GRID2: variants seen among roughly 807,000 people sequenced by gnomAD.
GRID2 encodes the protein glutamate receptor ionotropic, delta-2.
GRID2 carries 33 observed loss-of-function variants against 114.8 expected under a neutral mutation model. That is an observed-to-expected ratio of 0.29 (90% CI 0.22 to 0.38). The LOEUF (loss-of-function observed/expected upper bound fraction) is 0.38, where lower values mean the gene tolerates loss of function less well. Ranked by LOEUF, GRID2 falls within the 10% of genes least tolerant of loss-of-function variation. The probability of loss-of-function intolerance (pLI) is 1.00; values close to 1 mark genes in which losing one functional copy is unlikely to be tolerated. For synonymous variants in GRID2, 505 were observed against 449.9 expected (o/e 1.12, Z -1.55); for missense variants, 1,184 against 1,257.7 (o/e 0.94, Z 0.89).
At chr4:93,095,520 C>G (rs1731139380) in intron 3 of GRID2, among the ~76,000 whole-genome samples, 1 of 152,008 alleles carries the variant, frequency 6.6e-6, no homozygotes, top group African/African-American at 2.4e-5. Flanking sequence ...GCAAATATGT[C>G]TTTATTTCTC....
chr4:92,946,030 A>G (rs1751600757), intron 2 of GRID2, among the ~76,000 whole-genome samples: 2 of 152,120 alleles, frequency 1.3e-5, no homozygotes, highest in African/African-American at 2.4e-5. Context: ...TTTAATTTTA[A>G]TAGCTTATAG....
intron 13 of GRID2, among the ~76,000 whole-genome samples, chr4:93,537,085 C>G (rs1477389167): frequency 6.6e-6 from 1 of 151,458 alleles, no homozygotes; most frequent in Non-Finnish European, 1.5e-5. Flanking sequence ...TTGGTTGTAT[C>G]TCTGGCCATG....
chr4:92,927,348 A>G (rs548322309), intron 2 of GRID2, among the ~76,000 whole-genome samples: 49 of 151,956 alleles, frequency 3.2e-4, no homozygotes, highest in Non-Finnish European at 6.0e-4. Flanking sequence ...AGTTCTATGG[A>G]TGCTGGCAGA....
At chr4:92,368,285 G>C (rs914661917) in intron 1 of GRID2, among the ~76,000 whole-genome samples, 1 of 152,082 alleles carries the variant, frequency 6.6e-6, no homozygotes, top group Non-Finnish European at 1.5e-5. Context: ...TCAGGACCTA[G>C]AGTTGTCCTT....
At chr4:93,436,584 C>T (rs901749070) in intron 10 of GRID2, among the ~76,000 whole-genome samples, 6 of 152,032 alleles carry the variant, frequency 3.9e-5, no homozygotes, top group Admixed American at 2.6e-4. Flanking sequence ...AAAAGATATC[C>T]TTCAGGGGCT....
At chr4:92,956,489 T>G (rs1752420862) in intron 2 of GRID2, among the ~76,000 whole-genome samples, 1 of 152,198 alleles carries the variant, frequency 6.6e-6, no homozygotes, top group African/African-American at 2.4e-5. Context: ...TCCATGTCTT[T>G]TCATGGCTTG....
At chr4:92,305,176 G>C (rs568642954) in intron 1 of GRID2, among the ~76,000 whole-genome samples, 1 of 152,212 alleles carries the variant, frequency 6.6e-6, no homozygotes, top group East Asian at 1.9e-4. Flanking sequence ...GAACTGGGCT[G>C]GGGGGTAGGG....
At chr4:92,651,253 G>T (rs1179265654) in intron 2 of GRID2, among the ~76,000 whole-genome samples, 1 of 152,024 alleles carries the variant, frequency 6.6e-6, no homozygotes, top group Non-Finnish European at 1.5e-5. Context: ...TTGCCACCAG[G>T]TAGCTGGCTG....
intron 13 of GRID2, among the ~76,000 whole-genome samples, chr4:93,539,089 T>A (rs1350233992): frequency 6.6e-6 from 1 of 151,928 alleles, no homozygotes; most frequent in Admixed American, 6.6e-5. Context: ...ATAAATAGTT[T>A]ACTTAAAAGC....
intron 2 of GRID2, among the ~76,000 whole-genome samples, chr4:92,912,090 T>C (rs2149491861): frequency 6.6e-6 from 1 of 152,030 alleles, no homozygotes; most frequent in South Asian, 2.1e-4. Context: ...TGTACTTTAC[T>C]ATATTATTGC....
rs558739579 is a variant in GRID2 at position 93,012,609 on chromosome 4, A to G, written c.245-72386A>G. On this transcript the variant is annotated intron_variant, in intron 2 of 15. Transcript: ENST00000282020. ...CTTGTGAACATTAATTAGTAAGGCA[A>G]AATGGCTTGAGTTTTTGGATCAAAA... is the stretch of plus-strand genomic sequence containing the variant. Among the ~76,000 whole-genome samples the G allele has an allele frequency of 1.9e-3, 282 of 152,128 alleles. 1 individual carries two copies. Among genetic ancestry groups the G allele is most frequent in the Non-Finnish European group, 1.3e-3 (89 of 67,988 alleles).
rs1196935462 is a variant in GRID2, at chr4:93,317,304, T to G, written c.1246-78303T>G. On this transcript the variant is annotated intron_variant, in intron 8 of 15. Coordinates refer to ENST00000282020, the MANE Select transcript of GRID2 (RefSeq NM_001510.4). ...AAGGGATTAGCTTGCGTATAGAGAT[T>G]CTCTTCCATTCTCCTCAGGTTTTTT... is the stretch of plus-strand genomic sequence containing the variant. 3.0e-5 allele frequency among the ~76,000 whole-genome samples: 4 copies of G among 135,012 alleles called. No homozygotes were observed. The East Asian group carries it at 9.0e-4, about 30-fold the overall frequency. 88.6% of individuals were successfully genotyped at this position (135,012 alleles called of 152,430 possible). A position where few individuals can be genotyped will look rare whatever the true frequency, so the allele number is the denominator to read the frequency against.
chr4:92,317,004 A>G (rs943362982), intron 1 of GRID2, among the ~76,000 whole-genome samples: 1 of 152,196 alleles, frequency 6.6e-6, no homozygotes, highest in Non-Finnish European at 1.5e-5. Flanking sequence ...AAGCTTAAGT[A>G]ATGAAGGAGG....
chr4:92,868,720 T>C (rs1459924371), intron 2 of GRID2, among the ~76,000 whole-genome samples: 1 of 152,086 alleles, frequency 6.6e-6, no homozygotes, highest in Admixed American at 6.5e-5. Flanking sequence ...TGTGTGTGTG[T>C]GTGTGTGTGT....
At chr4:93,386,959 T>C (rs1333792737) in intron 8 of GRID2, among the ~76,000 whole-genome samples, 1 of 152,164 alleles carries the variant, frequency 6.6e-6, no homozygotes, top group African/African-American at 2.4e-5. Flanking sequence ...TCCTAAGTCC[T>C]TGACTGCAAC....
At chr4:93,242,475 G>T (rs1041619814) in intron 8 of GRID2, among the ~76,000 whole-genome samples, 1 of 151,992 alleles carries the variant, frequency 6.6e-6, no homozygotes, top group Non-Finnish European at 1.5e-5. Context: ...GTATTGTGTT[G>T]CTTTGTGTTT....
intron 9 of GRID2, among the ~76,000 whole-genome samples, chr4:93,396,779 A>G (rs368968847): frequency 4.6e-5 from 7 of 152,000 alleles, no homozygotes; most frequent in African/African-American, 1.7e-4. Context: ...AGATGTTAAT[A>G]GAAATATTCT....
chr4:92,547,193 A>G (rs1489228078), intron 1 of GRID2, among the ~76,000 whole-genome samples: 1 of 152,178 alleles, frequency 6.6e-6, no homozygotes, highest in Non-Finnish European at 1.5e-5. Flanking sequence ...TCAGTTTCTC[A>G]TGTATAAAAT....
chr4:92,941,944 T>C (rs1751177164), intron 2 of GRID2, among the ~76,000 whole-genome samples: 1 of 152,236 alleles, frequency 6.6e-6, no homozygotes, highest in South Asian at 2.1e-4. Context: ...CAGTTTGTTA[T>C]AATTTCTGTT....
Sources: gnomAD v4.1 joint callset for allele counts (sites outside exome capture counted in the v4.1 genomes callset) on GRCh38, gnomAD v4.1.1 for gene constraint, MANE v1.5 for transcripts, NCBI Gene and HGNC (gene_info 2026-07-23, HGNC 2026-07-21) for gene names.